BCAS3: variants seen among roughly 807,000 people sequenced by gnomAD.
The protein encoded by BCAS3 is BCAS4/BCAS3 fusion.
In BCAS3, 53 loss-of-function variants were observed where a neutral mutation model predicts 116.1. The ratio of observed to expected loss-of-function variants is 0.46; its 90% CI spans 0.37 to 0.57. The LOEUF (loss-of-function observed/expected upper bound fraction) is 0.57. Ranked by LOEUF, BCAS3 falls within the 20% of genes least tolerant of loss-of-function variation. BCAS3 has a pLI of 0.00. For missense variants in BCAS3, 917 were observed against 1,165.4 expected, an observed-to-expected ratio of 0.79 and a Z score of 3.10; for synonymous variants, 391 against 408.2, an observed-to-expected ratio of 0.96 and a Z score of 0.51.
chr17:61,038,145 C>A, intron 18 of BCAS3, 91 bp downstream of exon 18: 1 of 1,157,898 alleles, frequency 8.6e-7, no homozygotes, highest in Non-Finnish European at 1.2e-6. Context: ...GACATGCATA[C>A]AGCTACGAAA....
In BCAS3 at chr17:61,070,400, T is replaced by TATATATATATA. The variant is rs1555698457; in HGVS notation, c.2030-4520_2030-4519insATATATATATA. ...ATATATATATATATATATATATATA[T>TATATATATATA]CTTTTCACCATTTAAAAAAAATAGA... is the stretch of plus-strand genomic sequence containing the variant. On this transcript the variant is annotated intron_variant, in intron 19 of 23. Transcript: ENST00000407086. The TATATATATATA allele has an allele frequency of 4.5e-3, 822 of 180,874 alleles. 33 individuals are homozygous for TATATATATATA. The highest frequency in any genetic ancestry group is 6.2e-3 in the Admixed American group (89 of 14,246). The allele number at this position is 180,874 out of a possible 1,614,324, so 11.2% of individuals were successfully genotyped here. A position where few individuals can be genotyped will look rare whatever the true frequency, so the allele number is the denominator to read the frequency against.
rs1014033263 is a variant in BCAS3 at position 61,068,037 on chromosome 17, G to C, written c.2030-6883G>C. Among the ~76,000 whole-genome samples, 8 of 152,106 alleles carry C rather than the reference G, an allele frequency of 5.3e-5. No individual in the cohort carries two copies. In the East Asian group the frequency reaches 7.7e-4, roughly 15 times the overall value. On this transcript the variant is annotated intron_variant, in intron 19 of 23. Coordinates refer to ENST00000407086, the MANE Select transcript of BCAS3 (RefSeq NM_017679.5). The surrounding 1 kb of genome is among the most constrained non-coding windows in gnomAD (Gnocchi z 4.3). ...CAGTATTTTCCTTTTCAGTTTGGCA[G>C]ATAAGGTGTGTTTGAAAATTACTGT...
intron 7 of BCAS3, among the ~76,000 whole-genome samples, chr17:60,814,215 T>G (rs377345875): frequency 4.1e-4 from 62 of 152,212 alleles, no homozygotes; most frequent in African/African-American, 1.4e-3. Context: ...CAGCATTGTC[T>G]TGTAGTTCTC....
intron 14 of BCAS3, among the ~76,000 whole-genome samples, chr17:60,963,167 G>A (rs1443860493): frequency 6.6e-6 from 1 of 152,148 alleles, no homozygotes; most frequent in East Asian, 1.9e-4. Flanking sequence ...AAGTCAGAAA[G>A]TGTGATGCCT....
At chr17:61,075,074 GT>G in intron 20 of BCAS3, 54 bp downstream of exon 20, 3 of 1,406,634 alleles carry the variant, frequency 2.1e-6, no homozygotes, top group Non-Finnish European at 3.0e-6. Flanking sequence ...GAAATTTACT[GT>G]TTTTATTCTT....
intron 22 of BCAS3, among the ~76,000 whole-genome samples, chr17:61,121,838 C>A (rs1019248376): frequency 6.6e-6 from 1 of 152,190 alleles, no homozygotes; most frequent in African/African-American, 2.4e-5. Context: ...TCAAGCAGTT[C>A]TCTGCCTCAG....
In BCAS3 at chr17:61,015,834, A is replaced by G. The variant is rs1013303660; in HGVS notation, c.1570A>G (p.Met524Val). Residue 524 changes from methionine (M) to valine (V), a missense_variant, in exon 16 of 24, where the codon ATG becomes GTG. Met to Val is a conservative substitution (Grantham distance 21, BLOSUM62 1). This residue lies in a region of BCAS3 where 807 missense variants were observed against 1,026.0 expected (regional missense o/e 0.79). Coordinates refer to ENST00000407086, the MANE Select transcript of BCAS3 (RefSeq NM_017679.5). Reference protein sequence around the residue: ...NPRLSPLPSLMVVMPLAQIKQ... With the variant: ...NPRLSPLPSLVVVMPLAQIKQ... ...TCGGCTCTCTCCTCTTCCCAGCTTGATGGTAGTGATGCCTCTTGCACAAAT... is the reference window on the plus strand; with the variant it reads ...TCGGCTCTCTCCTCTTCCCAGCTTGGTGGTAGTGATGCCTCTTGCACAAAT... 4.3e-6 allele frequency: 7 copies of G among 1,614,112 alleles called. No individual in the cohort carries two copies. The highest frequency in any genetic ancestry group is 5.9e-6 in the Non-Finnish European group (7 of 1,179,992).
intron 14 of BCAS3, among the ~76,000 whole-genome samples, chr17:60,979,915 T>C (rs2062683326): frequency 6.6e-6 from 1 of 152,018 alleles, no homozygotes; most frequent in Non-Finnish European, 1.5e-5. Context: ...TTATTGAGGA[T>C]TTTTGCATCA....
chr17:60,994,589 C>T lies in BCAS3; in HGVS notation c.1486+4354C>T, dbSNP rs2063724000. 1.3e-5 allele frequency among the ~76,000 whole-genome samples: 2 copies of T among 152,262 alleles called. No individual in the cohort carries two copies. Among genetic ancestry groups the T allele is most frequent in the East Asian group, 1.9e-4 (1 of 5,186 alleles). ...TTTTCTGCTTAAGATCTTTGTGTCT[C>T]ACCATATTCCTAGAAGGTTAGAAAA... On this transcript the variant is annotated intron_variant, in intron 15 of 23. Transcript: ENST00000407086. This position sits in a 1 kb window ranked among gnomAD's most constrained non-coding sequence, Gnocchi z 4.4.
intron 6 of BCAS3, among the ~76,000 whole-genome samples, chr17:60,774,743 C>A (rs1490251106): frequency 6.6e-6 from 1 of 152,188 alleles, no homozygotes; most frequent in African/African-American, 2.4e-5. Context: ...CCTGACTATT[C>A]CACTATTCAT....
intron 10 of BCAS3, among the ~76,000 whole-genome samples, chr17:60,899,083 G>C (rs1410282265): frequency 1.3e-5 from 2 of 152,132 alleles, no homozygotes; most frequent in African/African-American, 2.4e-5. Context: ...GCTCCCCAAT[G>C]ATGAGAGCAG....
intron 22 of BCAS3, among the ~76,000 whole-genome samples, chr17:61,311,579 G>A (rs1476328826): frequency 6.6e-6 from 1 of 152,158 alleles, no homozygotes; most frequent in African/African-American, 2.4e-5. Context: ...GGGGTAAATT[G>A]TTGCTCTTAA....
At chr17:61,039,905 T>C (rs769931713) in intron 18 of BCAS3, among the ~76,000 whole-genome samples, 95 of 152,142 alleles carry the variant, frequency 6.2e-4, no homozygotes, top group South Asian at 1.0e-3. Context: ...GAAACTAATA[T>C]AGATAGATTC....
At chr17:60,716,495 C>T (rs1475631142) in intron 5 of BCAS3, among the ~76,000 whole-genome samples, 6 of 152,104 alleles carry the variant, frequency 3.9e-5, no homozygotes, top group African/African-American at 1.4e-4. Flanking sequence ...TGTAGCTGGG[C>T]ATGGTGGCTC....
Position 61,051,030 on chromosome 17 carries a change from T to G in BCAS3, c.2029+10138T>G, listed in dbSNP as rs905263924. 7.9e-5 allele frequency among the ~76,000 whole-genome samples: 12 copies of G among 152,074 alleles called. No individual in the cohort carries two copies. Among genetic ancestry groups the G allele is most frequent in the African/African-American group, 2.9e-4 (12 of 41,452 alleles). On this transcript the variant is annotated intron_variant, in intron 19 of 23. Transcript: ENST00000407086. The surrounding 1 kb of genome is among the most constrained non-coding windows in gnomAD (Gnocchi z 4.1). ...AACACACTTTTAAATAGTCCATGGT[T>G]CACAGAAGAAATCTAAAGGGAATTA... is the stretch of plus-strand genomic sequence containing the variant.
chr17:61,326,088 G>C lies in BCAS3; in HGVS notation c.2426-42239G>C, dbSNP rs567155218. Among the ~76,000 whole-genome samples the C allele has an allele frequency of 6.6e-6, 1 of 152,220 alleles. No homozygotes were observed. The highest frequency in any genetic ancestry group is 2.4e-5 in the African/African-American group (1 of 41,456). Reference sequence around the variant, plus strand: ...GCCCGGACACAGTGGAGCTTGTGAAGTTTGTGGTCTAGGAGGGGAAAAGAC... The same window carrying C: ...GCCCGGACACAGTGGAGCTTGTGAACTTTGTGGTCTAGGAGGGGAAAAGAC... On this transcript the variant is annotated intron_variant, in intron 22 of 23. Coordinates refer to ENST00000407086, the MANE Select transcript of BCAS3 (RefSeq NM_017679.5). This position sits in a 1 kb window ranked among gnomAD's most constrained non-coding sequence, Gnocchi z 5.3.
chr17:60,879,634 A>G (rs1240251100), intron 9 of BCAS3, among the ~76,000 whole-genome samples: 1 of 152,242 alleles, frequency 6.6e-6, no homozygotes, highest in African/African-American at 2.4e-5. Flanking sequence ...TGAAAGGTAG[A>G]TATGAAGTCT....
At chr17:61,075,121 T>G in intron 20 of BCAS3, 101 bp downstream of exon 20, 1 of 850,560 alleles carries the variant, frequency 1.2e-6, no homozygotes, top group Non-Finnish European at 1.8e-6. Context: ...TGGTAACTCT[T>G]TATTGGATTA....
chr17:60,789,219 T>G (rs568496706), intron 6 of BCAS3, among the ~76,000 whole-genome samples: 1 of 152,302 alleles, frequency 6.6e-6, no homozygotes, highest in South Asian at 2.1e-4. Context: ...ATCAGTTGGA[T>G]TTTTATTTGC....
Sources: allele counts gnomAD v4.1 joint callset (sites outside exome capture counted in the v4.1 genomes callset), GRCh38; gene constraint gnomAD v4.1.1; regional missense constraint gnomAD v4.1.1; non-coding constraint Gnocchi (gnomAD v3.1); transcripts MANE v1.5; gene names NCBI Gene and HGNC (gene_info 2026-07-23, HGNC 2026-07-21).